Variants in PRKN observed in about 807,000 individuals in gnomAD.
PRKN encodes parkin RBR E3 ubiquitin protein ligase, also known as E3 ubiquitin-protein ligase parkin.
A neutral mutation model predicts 59.5 loss-of-function variants in PRKN; 56 were observed. The observed-to-expected ratio is 0.94, with a 90% CI of 0.76 to 1.18. PRKN has a LOEUF of 1.18. Among genes scored for constraint, PRKN ranks in the 50% most tolerant of loss-of-function variants. The pLI is 0.00. For synonymous variants in PRKN, 250 were observed against 222.1 expected, an observed-to-expected ratio of 1.13 and a Z score of -1.12; for missense variants, 657 against 596.4, an observed-to-expected ratio of 1.10 and a Z score of -1.06.
intron 1 of PRKN, among the ~76,000 whole-genome samples, chr6:162,497,325 C>T (rs1451621765): frequency 6.6e-6 from 1 of 152,154 alleles, no homozygotes; most frequent in East Asian, 1.9e-4. Context: ...CTAAACTTAA[C>T]AAAACACCTA....
At chr6:162,418,738 C>T (rs945977945) in intron 2 of PRKN, among the ~76,000 whole-genome samples, 9 of 151,094 alleles carry the variant, frequency 6.0e-5, no homozygotes, top group Admixed American at 1.3e-4. Flanking sequence ...ATGGTGTGCA[C>T]GGTTCCTGCA....
At chr6:161,634,019 C>T (rs1284723516) in intron 7 of PRKN, among the ~76,000 whole-genome samples, 2 of 151,756 alleles carry the variant, frequency 1.3e-5, no homozygotes, top group Non-Finnish European at 2.9e-5. Context: ...CACACACACA[C>T]ACACACACAC....
chr6:162,005,550 G>GA (rs56974841), intron 5 of PRKN, among the ~76,000 whole-genome samples: 193 of 148,114 alleles, frequency 1.3e-3, no homozygotes, highest in African/African-American at 3.3e-3. Context: ...TAAATTGGTA[G>GA]AAAAAAAAAA....
intron 10 of PRKN, among the ~76,000 whole-genome samples, chr6:161,375,805 G>T (rs530242411): frequency 6.6e-6 from 1 of 152,160 alleles, no homozygotes; most frequent in Non-Finnish European, 1.5e-5. Flanking sequence ...TTTTCACAGC[G>T]CAAGGCCGAG....
At chr6:162,003,127 T>C (rs554173172) in intron 5 of PRKN, among the ~76,000 whole-genome samples, 1 of 151,076 alleles carries the variant, frequency 6.6e-6, no homozygotes, top group East Asian at 2.0e-4. Flanking sequence ...AGGTCAATTA[T>C]ATCCAGTTGA....
intron 6 of PRKN, among the ~76,000 whole-genome samples, chr6:161,820,174 C>G (rs1177818594): frequency 6.9e-6 from 1 of 145,320 alleles, no homozygotes; most frequent in African/African-American, 2.5e-5. Context: ...AATTTACAAT[C>G]TTTCTAAAAA....
intron 2 of PRKN, among the ~76,000 whole-genome samples, chr6:162,380,878 T>C (rs1001024672): frequency 1.5e-4 from 23 of 152,088 alleles, no homozygotes; most frequent in African/African-American, 5.6e-4. Context: ...ACTGGACCTA[T>C]GGGCAGTCTT....
At chr6:161,964,544 C>A (rs576985159) in intron 6 of PRKN, among the ~76,000 whole-genome samples, 1 of 152,154 alleles carries the variant, frequency 6.6e-6, no homozygotes, top group Non-Finnish European at 1.5e-5. Context: ...GAAGTTTTCT[C>A]TTTCATCTTA....
chr6:162,175,875 C>A (rs147078358), intron 4 of PRKN, among the ~76,000 whole-genome samples: 1 of 152,168 alleles, frequency 6.6e-6, no homozygotes, highest in Non-Finnish European at 1.5e-5. Flanking sequence ...TCTGTGCTGC[C>A]CCATCTCCAT....
At position 161,414,577 on chromosome 6, in the gene PRKN, T is replaced by C. The variant is rs1308903958; in HGVS notation, c.1084-27700A>G. Among the ~76,000 whole-genome samples the C allele has an allele frequency of 2.0e-5, 3 of 152,246 alleles. No homozygotes were observed. The highest frequency in any genetic ancestry group is 4.4e-5 in the Non-Finnish European group (3 of 68,054). On this transcript the variant is annotated intron_variant, in intron 9 of 11. Transcript: ENST00000366898. The surrounding 1 kb of genome is among the most constrained non-coding windows in gnomAD (Gnocchi z 5.3). The stretch of plus-strand genomic sequence containing the variant: ...ACTTCTAGCCTTTTGGCTGAGACTG[T>C]TTTGAAAAATAGAAAATGGCAGGTA...
chr6:161,405,220 G>C lies in PRKN; in HGVS notation c.1084-18343C>G, dbSNP rs1409542988. ...ACAAGATTTACAATGGGATTTGGGG[G>C]AAAAGTCATTAGTCGTCATTTGCCA... is the stretch of plus-strand genomic sequence containing the variant. On this transcript the variant is annotated intron_variant, in intron 9 of 11. Coordinates refer to ENST00000366898, the MANE Select transcript of PRKN (RefSeq NM_004562.3). This position sits in a 1 kb window ranked among gnomAD's most constrained non-coding sequence, Gnocchi z 5.1. Among the ~76,000 whole-genome samples the C allele has an allele frequency of 1.3e-5, 2 of 152,154 alleles. No homozygotes were observed. Among genetic ancestry groups the C allele is most frequent in the Admixed American group, 6.5e-5 (1 of 15,272 alleles).
At chr6:162,589,106 G>A (rs896890407) in intron 1 of PRKN, among the ~76,000 whole-genome samples, 2 of 152,096 alleles carry the variant, frequency 1.3e-5, no homozygotes, top group Non-Finnish European at 2.9e-5. Flanking sequence ...GAAATTCTGG[G>A]ATTTCTGACA....
chr6:161,847,736 C>T (rs999229866), intron 6 of PRKN, among the ~76,000 whole-genome samples: 2 of 152,128 alleles, frequency 1.3e-5, no homozygotes, highest in Non-Finnish European at 2.9e-5. Context: ...GTTGACAAGA[C>T]TCAGCAAATA....
Position 161,954,454 on chromosome 6 carries a change from C to T in PRKN, c.734+18848G>A, listed in dbSNP as rs529572678. 1.1e-4 allele frequency among the ~76,000 whole-genome samples: 16 copies of T among 152,282 alleles called. No individual in the cohort carries two copies. The East Asian group carries it at 1.7e-3, about 17-fold the overall frequency. On this transcript the variant is annotated intron_variant, in intron 6 of 11. Transcript: ENST00000366898. ...GGCCTGACCTTTTTTCCACTCCATT[C>T]GCCTTGCTTTCTGTGGGAATAATTC...
intron 2 of PRKN, among the ~76,000 whole-genome samples, chr6:162,347,285 G>A (rs953410781): frequency 1.3e-5 from 2 of 149,974 alleles, no homozygotes; most frequent in Non-Finnish European, 3.0e-5. Context: ...AATTTTCCTT[G>A]AAGAGCCATT....
rs1327581551 is a variant in PRKN at position 162,321,219 on chromosome 6, A to C, written c.172-58454T>G. Among the ~76,000 whole-genome samples, 6 of 152,044 alleles carry C rather than the reference A, an allele frequency of 3.9e-5. No homozygotes were observed. In the East Asian group the frequency reaches 1.2e-3, roughly 29 times the overall value. On this transcript the variant is annotated intron_variant, in intron 2 of 11. Transcript: ENST00000366898. ...CACTACACATTGTAGAGATACCACA[A>C]GGATAAGAGAATATTCTGAGCAATT...
chr6:162,512,247 A>T (rs1758723860), intron 1 of PRKN, among the ~76,000 whole-genome samples: 1 of 152,158 alleles, frequency 6.6e-6, no homozygotes, highest in African/African-American at 2.4e-5. Flanking sequence ...CTTGATGGGG[A>T]TCTGCTAATA....
Position 161,352,773 on chromosome 6 carries a change from T to A in PRKN, c.1286-2562A>T, listed in dbSNP as rs958675487. Among the ~76,000 whole-genome samples, 9 of 74,928 alleles carry A rather than the reference T, an allele frequency of 1.2e-4. No individual in the cohort carries two copies. The highest frequency in any genetic ancestry group is 6.6e-4 in the East Asian group (3 of 4,554). The allele number at this position is 74,928 out of a possible 152,430, so 49.2% of individuals were successfully genotyped here. A position where few individuals can be genotyped will look rare whatever the true frequency, so the allele number is the denominator to read the frequency against. Reference sequence around the variant, plus strand: ...TGTGTGTGTATATATATATATATATTTTATTTTATTTTATTTTATTTTTTT... The same window carrying A: ...TGTGTGTGTATATATATATATATATATTATTTTATTTTATTTTATTTTTTT... On this transcript the variant is annotated intron_variant, in intron 11 of 11. Transcript: ENST00000366898. The surrounding 1 kb of genome is among the most constrained non-coding windows in gnomAD (Gnocchi z 5.8).
intron 4 of PRKN, among the ~76,000 whole-genome samples, chr6:162,196,802 C>G (rs1301506347): frequency 2.0e-5 from 3 of 152,126 alleles, no homozygotes; most frequent in Non-Finnish European, 4.4e-5. Flanking sequence ...ACTGGAGCAT[C>G]ACATTTGAAA....
Sources: gnomAD v4.1 joint callset for allele counts (sites outside exome capture counted in the v4.1 genomes callset) on GRCh38, gnomAD v4.1.1 for gene constraint, Gnocchi (gnomAD v3.1) non-coding constraint, MANE v1.5 for transcripts, NCBI Gene and HGNC (gene_info 2026-07-23, HGNC 2026-07-21) for gene names.